Variants in TBC1D12 observed in about 807,000 individuals in gnomAD.
The protein encoded by TBC1D12 is TBC1 domain family member 12.
In TBC1D12, 56 loss-of-function variants were observed where a neutral mutation model predicts 86.7. The observed-to-expected ratio is 0.65, with a 90% CI of 0.52 to 0.81. The LOEUF (loss-of-function observed/expected upper bound fraction) is 0.81. Ranked by LOEUF, TBC1D12 falls within the 30% of genes least tolerant of loss-of-function variation. The pLI is 0.00. For missense variants in TBC1D12, 1,023 were observed against 1,038.8 expected, an observed-to-expected ratio of 0.98 and a Z score of 0.21; for synonymous variants, 421 against 411.7, an observed-to-expected ratio of 1.02 and a Z score of -0.27.
chr10:94,440,309 C>T (rs1363873953), intron 1 of TBC1D12, among the ~76,000 whole-genome samples: 1 of 151,958 alleles, frequency 6.6e-6, no homozygotes, highest in East Asian at 1.9e-4. Flanking sequence ...GCAGGGACTA[C>T]AAGGTGTGCA....
intron 2 of TBC1D12, among the ~76,000 whole-genome samples, chr10:94,468,098 A>G (rs1462708393): frequency 2.6e-5 from 4 of 152,220 alleles, no homozygotes; most frequent in Non-Finnish European, 5.9e-5. Flanking sequence ...ATAACTTTAT[A>G]GCACTTGAGT....
chr10:94,514,062 A>T (rs79124456), intron 9 of TBC1D12, among the ~76,000 whole-genome samples: 1 of 151,972 alleles, frequency 6.6e-6, no homozygotes, highest in Non-Finnish European at 1.5e-5. Context: ...AAAAAAAAAA[A>T]ACAGGCCAGG....
chr10:94,434,504 T>TAA (rs78126071), intron 1 of TBC1D12, among the ~76,000 whole-genome samples: 2 of 135,352 alleles, frequency 1.5e-5, no homozygotes, highest in Non-Finnish European at 3.2e-5. Context: ...AGACTCCATT[T>TAA]AAAAAAAAAA....
chr10:94,515,295 G>GGGATATATTCCAAGACACCA (rs2056577573), intron 9 of TBC1D12, among the ~76,000 whole-genome samples: 1 of 151,800 alleles, frequency 6.6e-6, no homozygotes, highest in Admixed American at 6.6e-5. Context: ...TTATCCTCAG[G>GGGATATATTCCAAGACACCA]GGATATATTC....
rs1261485745 is a variant in TBC1D12 at position 94,533,275 on chromosome 10, G to C, written c.*179G>C. The C allele has an allele frequency of 2.4e-6, 1 of 425,394 alleles. No homozygotes were observed. The highest frequency in any genetic ancestry group is 2.1e-5 in the African/African-American group (1 of 48,502). The allele number at this position is 425,394 out of a possible 1,614,324, so 26.4% of individuals were successfully genotyped here. On this transcript the variant is annotated 3_prime_UTR_variant, in exon 13 of 13. Transcript: ENST00000225235. ...AAATGAAATAAGTAACTTATTGACA[G>C]TATTAATAAACTATTATTTTGTAGG...
chr10:94,424,664 A>G (rs1287087243), intron 1 of TBC1D12, among the ~76,000 whole-genome samples: 1 of 152,334 alleles, frequency 6.6e-6, no homozygotes, highest in East Asian at 1.9e-4. Context: ...AAGAGACACA[A>G]AATGGAATAA....
At chr10:94,409,206 G>A (rs2054896906) in intron 1 of TBC1D12, among the ~76,000 whole-genome samples, 3 of 151,992 alleles carry the variant, frequency 2.0e-5, no homozygotes, top group Admixed American at 2.0e-4. Context: ...TCCAGCATTG[G>A]TTCAGGACTT....
At position 94,465,253 on chromosome 10, in the gene TBC1D12, A is replaced by G. The variant is rs182661310; in HGVS notation, c.1096-9415A>G. Among the ~76,000 whole-genome samples, 29 of 152,314 alleles carry G rather than the reference A, an allele frequency of 1.9e-4. No homozygotes were observed. In the East Asian group the frequency reaches 5.2e-3, roughly 27 times the overall value. On this transcript the variant is annotated intron_variant, in intron 2 of 12. Coordinates refer to ENST00000225235, the MANE Select transcript of TBC1D12 (RefSeq NM_015188.2). ...AAGTACTGGTGCACCAGATACGTAG[A>G]TCTTCCAAATGTTACAGCATTGCAT...
At position 94,403,073 on chromosome 10, in the gene TBC1D12, G is replaced by C; in HGVS notation, c.460G>C (p.Gly154Arg). The change falls in exon 1 of 13, where the codon GGG (glycine) becomes CGG (arginine). Residue 154 changes from glycine to arginine, a missense_variant. This residue lies in a region of TBC1D12 where 628 missense variants were observed against 531.1 expected (regional missense o/e 1.18). Coordinates refer to ENST00000225235, the MANE Select transcript of TBC1D12 (RefSeq NM_015188.2). Reference sequence around the variant, plus strand: ...CTGTCGCGATCTGGAAGAGGCTCGCGGGCTGGCGCGCGCCGGCGGCCGGGA... The same window carrying C: ...CTGTCGCGATCTGGAAGAGGCTCGCCGGCTGGCGCGCGCCGGCGGCCGGGA... ...RDCRDLEEAR[G>R]LARAGGRESR... 2.0e-6 allele frequency: 3 copies of C among 1,468,504 alleles called. No individual in the cohort carries two copies. The highest frequency in any genetic ancestry group is 2.7e-6 in the Non-Finnish European group (3 of 1,114,580). 91.0% of individuals were successfully genotyped at this position (1,468,504 alleles called of 1,614,324 possible).
chr10:94,408,986 C>T (rs1016398708), intron 1 of TBC1D12, among the ~76,000 whole-genome samples: 5 of 152,246 alleles, frequency 3.3e-5, no homozygotes, highest in East Asian at 3.9e-4. Context: ...GAAAATAATA[C>T]GTAATTAATT....
In TBC1D12 at chr10:94,449,102, C is replaced by T. The variant is rs141603681; in HGVS notation, c.1095+7083C>T. On this transcript the variant is annotated intron_variant, in intron 2 of 12. Transcript: ENST00000225235. ...TAAAGATAAGTTTTCACAAATTAAA[C>T]GGTAGAATTTGAGGGGACGTTTTTT... Among the ~76,000 whole-genome samples, 1,240 of 152,062 alleles carry T rather than the reference C, an allele frequency of 8.2e-3. 16 individuals are homozygous for T. Among genetic ancestry groups the T allele is most frequent in the African/African-American group, 0.027 (1,106 of 41,496 alleles).
At chr10:94,411,861 AG>A (rs1255693023) in intron 1 of TBC1D12, among the ~76,000 whole-genome samples, 1 of 152,180 alleles carries the variant, frequency 6.6e-6, no homozygotes, top group Non-Finnish European at 1.5e-5. Flanking sequence ...GGGAGGCTGA[AG>A]TGGGAGGATC....
intron 6 of TBC1D12, among the ~76,000 whole-genome samples, chr10:94,503,513 C>T (rs1207231806): frequency 6.6e-6 from 1 of 152,114 alleles, no homozygotes; most frequent in Admixed American, 6.6e-5. Flanking sequence ...TAAATGTTTA[C>T]CCTTTGTCTG....
chr10:94,442,672 G>T (rs1301183197), intron 2 of TBC1D12, among the ~76,000 whole-genome samples: 1 of 152,122 alleles, frequency 6.6e-6, no homozygotes, highest in East Asian at 1.9e-4. Context: ...GGATCAATCT[G>T]CAGTGTTTTA....
intron 2 of TBC1D12, among the ~76,000 whole-genome samples, chr10:94,445,012 G>A (rs1431066401): frequency 6.9e-6 from 1 of 145,546 alleles, no homozygotes; most frequent in South Asian, 2.2e-4. Context: ...GATTACAGGC[G>A]TGAGCCACCG....
chr10:94,412,709 T>G (rs900451974), intron 1 of TBC1D12, among the ~76,000 whole-genome samples: 1 of 151,656 alleles, frequency 6.6e-6, no homozygotes, highest in Non-Finnish European at 1.5e-5. Flanking sequence ...ATTTGGAGAT[T>G]TTGAGACGAT....
chr10:94,532,699 A>G (rs1842462272), intron 12 of TBC1D12, among the ~76,000 whole-genome samples: 1 of 152,210 alleles, frequency 6.6e-6, no homozygotes. Context: ...AGCATTGGCA[A>G]TCTAAGTTAA....
chr10:94,520,266 C>G (rs1842110980), intron 9 of TBC1D12, among the ~76,000 whole-genome samples: 1 of 152,080 alleles, frequency 6.6e-6, no homozygotes, highest in African/African-American at 2.4e-5. Flanking sequence ...GAAAAGGGAG[C>G]TGAGAGCCGG....
chr10:94,529,906 A>C (rs771049764), intron 11 of TBC1D12, among the ~76,000 whole-genome samples: 26 of 152,184 alleles, frequency 1.7e-4, no homozygotes, highest in Non-Finnish European at 3.4e-4. Context: ...CTCATTTTGA[A>C]CAGGGAGTTT....
Sources: allele counts gnomAD v4.1 joint callset (sites outside exome capture counted in the v4.1 genomes callset), GRCh38; gene constraint gnomAD v4.1.1; regional missense constraint gnomAD v4.1.1; transcripts MANE v1.5; gene names NCBI Gene and HGNC (gene_info 2026-07-23, HGNC 2026-07-21).